Variants in SSMEM1 observed in about 807,000 individuals in gnomAD.
SSMEM1 encodes serine-rich single-pass membrane protein 1.
A neutral mutation model predicts 9.9 loss-of-function variants in SSMEM1; 12 were observed. The ratio of observed to expected loss-of-function variants is 1.21; its 90% CI spans 0.78 to 1.96. SSMEM1 has a LOEUF of 1.96. SSMEM1 is among the 30% of genes most tolerant of loss of function. The pLI, the probability that SSMEM1 is intolerant of heterozygous loss-of-function variation, is 0.00. For synonymous variants in SSMEM1, 96 were observed against 98.9 expected, an observed-to-expected ratio of 0.97 and a Z score of 0.17; for missense variants, 259 against 292.2, an observed-to-expected ratio of 0.89 and a Z score of 0.83.
chr7:130,207,743 C>T (rs1323802205), upstream of SSMEM1: 1 of 752,140 alleles, frequency 1.3e-6, no homozygotes, highest in Non-Finnish European at 2.4e-6. Flanking sequence ...AATAACCTTC[C>T]ACAAACTTAG....
intron 1 of SSMEM1, among the ~76,000 whole-genome samples, chr7:130,208,885 T>C (rs1798539014): frequency 6.6e-6 from 1 of 151,898 alleles, no homozygotes; most frequent in African/African-American, 2.4e-5. Flanking sequence ...TTTCTTGAGA[T>C]GGAGTCTTGC....
chr7:130,207,834 A>G (rs569062330), upstream of SSMEM1: 8 of 1,480,288 alleles, frequency 5.4e-6, no homozygotes, highest in Admixed American at 8.4e-5. Flanking sequence ...ATTGTCATAC[A>G]TCATAGAGGG....
At chr7:130,207,761 A>G (rs1798514938), upstream of SSMEM1, 2 of 823,700 alleles carry the variant, frequency 2.4e-6, no homozygotes, top group South Asian at 2.8e-5. Flanking sequence ...TAGAAGTCCA[A>G]GAAGCATTTG....
At chr7:130,214,436 T>C (rs1006374147) in intron 2 of SSMEM1, among the ~76,000 whole-genome samples, 2 of 151,738 alleles carry the variant, frequency 1.3e-5, no homozygotes, top group African/African-American at 4.8e-5. Context: ...AATAAATAAA[T>C]AAAAATAAAT....
chr7:130,212,242 C>T (rs1798604961), intron 1 of SSMEM1, among the ~76,000 whole-genome samples: 1 of 152,090 alleles, frequency 6.6e-6, no homozygotes. Flanking sequence ...TGAAACTATT[C>T]AAAGAAATCC....
upstream of SSMEM1, among the ~76,000 whole-genome samples, chr7:130,205,804 C>G (rs1798441838): frequency 6.6e-6 from 1 of 152,114 alleles, no homozygotes; most frequent in Non-Finnish European, 1.5e-5. Flanking sequence ...TTTCTTTCCC[C>G]TGTGTTAAAG....
At position 130,213,567 on chromosome 7, in the gene SSMEM1, T is replaced by C. The variant is rs754549574; in HGVS notation, c.238+33T>C. 3 of 1,596,978 alleles carry C rather than the reference T, an allele frequency of 1.9e-6. No individual in the cohort carries two copies. In the South Asian group the frequency reaches 3.3e-5, roughly 18 times the overall value. ...CCAGTGCATATTTGGTGTTGGACTA[T>C]GAGGGGAAGAATATGTGTGGTGTTG... is the stretch of plus-strand genomic sequence containing the variant. On this transcript the variant is annotated intron_variant, in intron 2 of 2. Coordinates refer to ENST00000297819, the MANE Select transcript of SSMEM1 (RefSeq NM_145268.4).
intron 1 of SSMEM1, 143 bp from the exon 2 acceptor site, chr7:130,213,337 G>A (rs1798630084): frequency 2.1e-6 from 1 of 483,270 alleles, no homozygotes; most frequent in Non-Finnish European, 3.4e-6. Context: ...AACAGAGTGA[G>A]ACTCTCCAAA....
At chr7:130,210,972 A>C (rs1247392361) in intron 1 of SSMEM1, among the ~76,000 whole-genome samples, 1 of 152,192 alleles carries the variant, frequency 6.6e-6, no homozygotes, top group Non-Finnish European at 1.5e-5. Context: ...ACAAAATAAA[A>C]TAAAAATCAC....
upstream of SSMEM1, among the ~76,000 whole-genome samples, chr7:130,207,488 G>A (rs1798508656): frequency 6.6e-6 from 1 of 152,096 alleles, no homozygotes; most frequent in Admixed American, 6.5e-5. Context: ...CTGGAGGTGA[G>A]GGCTTCAACA....
At chr7:130,205,485 G>C (rs1317369226), upstream of SSMEM1, 2 of 1,552,746 alleles carry the variant, frequency 1.3e-6, no homozygotes, top group Non-Finnish European at 1.8e-6. Context: ...GGAAGAACTA[G>C]GTAGTCTCTT....
intron 1 of SSMEM1, among the ~76,000 whole-genome samples, chr7:130,212,461 T>C (rs1463167079): frequency 1.3e-5 from 2 of 152,022 alleles, no homozygotes; most frequent in African/African-American, 4.8e-5. Flanking sequence ...CGCGGTGGCT[T>C]ACATCCGTAA....
intron 1 of SSMEM1, among the ~76,000 whole-genome samples, chr7:130,211,360 C>G (rs886987801): frequency 6.6e-6 from 1 of 151,966 alleles, no homozygotes; most frequent in Non-Finnish European, 1.5e-5. Context: ...AGGGTTTCAC[C>G]GTGTTAGCCA....
At chr7:130,205,486 G>A, upstream of SSMEM1, 1 of 1,551,804 alleles carries the variant, frequency 6.4e-7, no homozygotes, top group South Asian at 1.1e-5. Flanking sequence ...GAAGAACTAG[G>A]TAGTCTCTTC....
chr7:130,208,360 AAT>A (rs1035249503), intron 1 of SSMEM1, among the ~76,000 whole-genome samples: 1 of 152,206 alleles, frequency 6.6e-6, no homozygotes, highest in African/African-American at 2.4e-5. Flanking sequence ...TGCCTTTCCC[AAT>A]ATATCTCTCT....
At chr7:130,213,341 C>A in intron 1 of SSMEM1, 139 bp from the exon 2 acceptor site, 1 of 515,914 alleles carries the variant, frequency 1.9e-6, no homozygotes, top group Non-Finnish European at 3.1e-6. Flanking sequence ...GAGTGAGACT[C>A]TCCAAAAATA....
At chr7:130,214,595 G>A (rs973196023) in intron 2 of SSMEM1, among the ~76,000 whole-genome samples, 1 of 152,156 alleles carries the variant, frequency 6.6e-6, no homozygotes, top group African/African-American at 2.4e-5. Context: ...TGATGAACAA[G>A]TATAGTTCCA....
upstream of SSMEM1, chr7:130,205,613 C>T (rs1798434179): frequency 1.6e-6 from 1 of 612,886 alleles, no homozygotes; most frequent in Admixed American, 2.9e-5. Flanking sequence ...AAATTCAGAC[C>T]AGGCTCTGAA....
Position 130,216,699 on chromosome 7 carries a change from A to G in SSMEM1, c.*229A>G, listed in dbSNP as rs1584716369. On this transcript the variant is annotated 3_prime_UTR_variant, in exon 3 of 3. Coordinates refer to ENST00000297819, the MANE Select transcript of SSMEM1 (RefSeq NM_145268.4). ...GGAACACCAAAGATCTATATCTGCT[A>G]TGATTTTTTTATTTGAAATAGCACA... 1 of 536,476 alleles carries G rather than the reference A, an allele frequency of 1.9e-6. No homozygotes were observed. The highest frequency in any genetic ancestry group is 2.6e-5 in the South Asian group (1 of 38,660). The allele number at this position is 536,476 out of a possible 1,614,324, so 33.2% of individuals were successfully genotyped here. A position where few individuals can be genotyped will look rare whatever the true frequency, so the allele number is the denominator to read the frequency against.
Sources: allele counts gnomAD v4.1 joint callset (sites outside exome capture counted in the v4.1 genomes callset), GRCh38; gene constraint gnomAD v4.1.1; transcripts MANE v1.5; gene names NCBI Gene and HGNC (gene_info 2026-07-23, HGNC 2026-07-21).